RTF2: variants seen among roughly 807,000 people sequenced by gnomAD.
RTF2 encodes replication termination factor 2.
Under a neutral mutation model 38.0 loss-of-function variants are expected in RTF2, and 18 were observed. That is an observed-to-expected ratio of 0.47 (90% CI 0.33 to 0.70). The LOEUF (loss-of-function observed/expected upper bound fraction) is 0.70, where lower values mean the gene tolerates loss of function less well. RTF2 is among the 30% of genes least tolerant of loss of function. The pLI is 0.02. For synonymous variants in RTF2, 126 were observed against 137.1 expected (o/e 0.92, Z 0.57); for missense variants, 311 against 379.6 (o/e 0.82, Z 1.50).
At chr20:56,488,040 C>A (rs866361044) in intron 5 of RTF2, among the ~76,000 whole-genome samples, 3 of 152,138 alleles carry the variant, frequency 2.0e-5, no homozygotes, top group Non-Finnish European at 2.9e-5. Flanking sequence ...TAATTCAACC[C>A]ATAATACACA....
In RTF2 at chr20:56,468,646, C is replaced by G. The variant is rs1981800413; in HGVS notation, c.-52C>G. On this transcript the variant is annotated 5_prime_UTR_variant, in exon 1 of 9. Transcript: ENST00000357348. ...GTGGCTGCGGATTTCGCCGGAAATC[C>G]CGGAAGTGACAGCTTTGGGGGTTTG... is the stretch of plus-strand genomic sequence containing the variant. The G allele has an allele frequency of 1.3e-6, 2 of 1,512,932 alleles. No homozygotes were observed. The highest frequency in any genetic ancestry group is 1.8e-6 in the Non-Finnish European group (2 of 1,112,718). The allele number at this position is 1,512,932 out of a possible 1,614,324, so 93.7% of individuals were successfully genotyped here.
intron 5 of RTF2, among the ~76,000 whole-genome samples, chr20:56,502,453 C>T (rs751421639): frequency 2.0e-5 from 3 of 152,164 alleles, no homozygotes; most frequent in Admixed American, 6.5e-5. Flanking sequence ...GGTTTGATAT[C>T]GCATTACCTC....
chr20:56,519,369 T>C lies in RTF2; in HGVS notation c.*1104T>C, dbSNP rs1985254981. 1 of 152,186 alleles carries C rather than the reference T, an allele frequency of 6.6e-6. No homozygotes were observed. The highest frequency in any genetic ancestry group is 2.4e-5 in the African/African-American group (1 of 41,436). The allele number at this position is 152,186 out of a possible 1,614,324, so 9.4% of individuals were successfully genotyped here. A position where few individuals can be genotyped will look rare whatever the true frequency, so the allele number is the denominator to read the frequency against. ...TCTCAAACCCTGTGTGGTTCCCGGC[T>C]TCACAGTTGATGGGAAGGTTTGGCC... On this transcript the variant is annotated 3_prime_UTR_variant, in exon 9 of 9. Coordinates refer to ENST00000357348, the MANE Select transcript of RTF2 (RefSeq NM_016407.5).
intron 5 of RTF2, among the ~76,000 whole-genome samples, chr20:56,485,238 A>C (rs1337966939): frequency 6.6e-6 from 1 of 152,196 alleles, no homozygotes; most frequent in Non-Finnish European, 1.5e-5. Context: ...GAAGGGCACG[A>C]GGGAGCCAGC....
chr20:56,518,341 T>C lies in RTF2; in HGVS notation c.*76T>C. On this transcript the variant is annotated 3_prime_UTR_variant, in exon 9 of 9. Transcript: ENST00000357348. ...AGGCAGGTCGCTTTGTGCCTCTGAGTGCGCTGCTGTGTGTTCTCTCTATAG... is the reference window on the plus strand; with the variant it reads ...AGGCAGGTCGCTTTGTGCCTCTGAGCGCGCTGCTGTGTGTTCTCTCTATAG... 1 of 1,376,138 alleles carries C rather than the reference T, an allele frequency of 7.3e-7. No homozygotes were observed. The highest frequency in any genetic ancestry group is 1.0e-6 in the Non-Finnish European group (1 of 995,590). 85.2% of individuals were successfully genotyped at this position (1,376,138 alleles called of 1,614,324 possible). A position where few individuals can be genotyped will look rare whatever the true frequency, so the allele number is the denominator to read the frequency against.
At chr20:56,484,224 T>G in intron 5 of RTF2, 35 bp downstream of exon 5, 4 of 1,513,868 alleles carry the variant, frequency 2.6e-6, no homozygotes, top group Non-Finnish European at 3.7e-6. Flanking sequence ...GTTCCTTCTC[T>G]GTAGCTGAGG....
intron 5 of RTF2, among the ~76,000 whole-genome samples, chr20:56,503,480 C>A (rs1264927633): frequency 6.6e-6 from 1 of 152,018 alleles, no homozygotes; most frequent in Non-Finnish European, 1.5e-5. Flanking sequence ...CAAATGGTAG[C>A]ATTTTATATT....
At chr20:56,516,530 G>T (rs759746639) in intron 6 of RTF2, 1 of 176,272 alleles carries the variant, frequency 5.7e-6, no homozygotes, top group Non-Finnish European at 1.2e-5. Context: ...AGATTTAGTT[G>T]GTGTTTATGC....
chr20:56,489,055 C>G (rs1452306226), intron 5 of RTF2, among the ~76,000 whole-genome samples: 1 of 151,738 alleles, frequency 6.6e-6, no homozygotes, highest in East Asian at 1.9e-4. Context: ...CCTGCTGTTA[C>G]TGAAATGATT....
At chr20:56,485,329 G>A (rs1036352266) in intron 5 of RTF2, among the ~76,000 whole-genome samples, 3 of 152,328 alleles carry the variant, frequency 2.0e-5, no homozygotes, top group East Asian at 1.9e-4. Flanking sequence ...GACTTTGCGA[G>A]TTCAGTGAAC....
chr20:56,501,142 GA>G (rs1349883297), intron 5 of RTF2, among the ~76,000 whole-genome samples: 11 of 152,034 alleles, frequency 7.2e-5, no homozygotes, highest in African/African-American at 2.7e-4. Context: ...GCTGTCACTT[GA>G]ACATAACATC....
chr20:56,474,635 A>G (rs759712639), intron 2 of RTF2, 43 bp from the exon 3 acceptor site: 2 of 1,284,246 alleles, frequency 1.6e-6, no homozygotes, highest in South Asian at 2.7e-5. Flanking sequence ...TGGTTATTTG[A>G]AAGTCGCTTG....
At chr20:56,498,896 AT>A (rs1298311289) in intron 5 of RTF2, among the ~76,000 whole-genome samples, 1 of 152,118 alleles carries the variant, frequency 6.6e-6, no homozygotes, top group East Asian at 1.9e-4. Flanking sequence ...TTTCCACATC[AT>A]TTTTACAAAT....
chr20:56,504,890 G>A (rs1039357662), intron 5 of RTF2, among the ~76,000 whole-genome samples: 1 of 152,220 alleles, frequency 6.6e-6, no homozygotes, highest in Non-Finnish European at 1.5e-5. Flanking sequence ...GTGCCTCTGA[G>A]ACACATGCTG....
chr20:56,517,233 T>A, intron 8 of RTF2, 32 bp downstream of exon 8: 1 of 1,586,216 alleles, frequency 6.3e-7, no homozygotes, highest in Non-Finnish European at 8.6e-7. Context: ...GGGAGCTGTT[T>A]CGAGAAGGCT....
intron 1 of RTF2, chr20:56,470,882 C>T (rs1460431788): frequency 2.5e-5 from 7 of 278,044 alleles, no homozygotes; most frequent in Admixed American, 1.2e-4. Context: ...TTCCAGATTA[C>T]TTCTTTATCT....
chr20:56,470,640 A>C (rs1394245949), intron 1 of RTF2: 1 of 455,940 alleles, frequency 2.2e-6, no homozygotes, highest in Non-Finnish European at 4.4e-6. Context: ...TGGTCACCAG[A>C]AACACCAAGC....
intron 4 of RTF2, among the ~76,000 whole-genome samples, chr20:56,477,818 G>T (rs552055091): frequency 1.3e-5 from 2 of 152,336 alleles, no homozygotes; most frequent in Non-Finnish European, 2.9e-5. Flanking sequence ...AATGCCAAAA[G>T]TTATGCAGTA....
chr20:56,514,911 G>A (rs1353879740), intron 6 of RTF2, among the ~76,000 whole-genome samples: 1 of 152,098 alleles, frequency 6.6e-6, no homozygotes, highest in Non-Finnish European at 1.5e-5. Context: ...GGCGGGCGTG[G>A]TGGCGTGTGC....
Sources: gnomAD v4.1 joint callset for allele counts (sites outside exome capture counted in the v4.1 genomes callset) on GRCh38, gnomAD v4.1.1 for gene constraint, MANE v1.5 for transcripts, NCBI Gene and HGNC (gene_info 2026-07-23, HGNC 2026-07-21) for gene names.